The following KCNU1 variants were observed in gnomAD, a reference collection of about 807,000 sequenced individuals.
KCNU1 encodes potassium calcium-activated channel subfamily U member 1.
KCNU1 carries 93 observed loss-of-function variants against 126.8 expected under a neutral mutation model. The ratio of observed to expected loss-of-function variants is 0.73; its 90% CI spans 0.62 to 0.87. The LOEUF is 0.87. Among genes scored for constraint, KCNU1 ranks in the 40% least tolerant of loss-of-function variants. The pLI is 0.00. For missense variants in KCNU1, 1,330 were observed against 1,367.1 expected, an observed-to-expected ratio of 0.97 and a Z score of 0.43; for synonymous variants, 523 against 494.2, an observed-to-expected ratio of 1.06 and a Z score of -0.77.
chr8:36,925,534 G>A (rs1808504333), intron 24 of KCNU1, among the ~76,000 whole-genome samples: 1 of 152,124 alleles, frequency 6.6e-6, no homozygotes, highest in South Asian at 2.1e-4. Flanking sequence ...GATAATTTTT[G>A]TTTTCCTTCT....
At chr8:36,784,655 G>A in intron 1 of KCNU1, 50 bp downstream of exon 1, 2 of 1,412,490 alleles carry the variant, frequency 1.4e-6, no homozygotes, top group Non-Finnish European at 1.9e-6. Context: ...AGATGAGTTT[G>A]GGGTAGTTTT....
At chr8:36,917,889 C>A (rs760058010) in intron 22 of KCNU1, among the ~76,000 whole-genome samples, 12 of 152,124 alleles carry the variant, frequency 7.9e-5, no homozygotes, top group Non-Finnish European at 1.6e-4. Context: ...TGAGTGACAT[C>A]CCAGCTCAGG....
At position 36,787,724 on chromosome 8, in the gene KCNU1, T is replaced by C. The variant is rs1276287362; in HGVS notation, c.315+299T>C. ...GTTAATAATGTTATATTATTAATAA[T>C]GTATAATACATTATCCGTAATAATA... On this transcript the variant is annotated intron_variant, in intron 2 of 26. Coordinates refer to ENST00000399881, the MANE Select transcript of KCNU1 (RefSeq NM_001031836.3). 3.4e-5 allele frequency among the ~76,000 whole-genome samples: 5 copies of C among 148,006 alleles called. No individual in the cohort carries two copies. In the East Asian group the frequency reaches 7.8e-4, roughly 23 times the overall value.
intron 24 of KCNU1, among the ~76,000 whole-genome samples, chr8:36,925,769 TAAC>T (rs1276257133): frequency 6.6e-6 from 1 of 152,156 alleles, no homozygotes; most frequent in African/African-American, 2.4e-5. Context: ...CACCTTCCAA[TAAC>T]AACATCTAGA....
At chr8:36,818,706 T>C (rs1804012481) in intron 10 of KCNU1, among the ~76,000 whole-genome samples, 1 of 152,200 alleles carries the variant, frequency 6.6e-6, no homozygotes, top group Admixed American at 6.5e-5. Flanking sequence ...TTACGTAGGA[T>C]TGTATGTAGC....
chr8:36,798,803 T>C (rs551093823), intron 2 of KCNU1, among the ~76,000 whole-genome samples: 1 of 152,298 alleles, frequency 6.6e-6, no homozygotes, highest in East Asian at 1.9e-4. Flanking sequence ...TTGATTGCTG[T>C]CTCATGCCTC....
chr8:36,843,688 T>C (rs915208570), intron 16 of KCNU1, among the ~76,000 whole-genome samples: 1 of 152,250 alleles, frequency 6.6e-6, no homozygotes, highest in Non-Finnish European at 1.5e-5. Flanking sequence ...AGTTGGACTT[T>C]AAGCAAATAT....
chr8:36,805,937 A>G (rs1329769946), intron 4 of KCNU1, among the ~76,000 whole-genome samples: 1 of 152,082 alleles, frequency 6.6e-6, no homozygotes, highest in East Asian at 1.9e-4. Flanking sequence ...TCTACCTCCC[A>G]GGTTCCAGTG....
intron 19 of KCNU1, among the ~76,000 whole-genome samples, chr8:36,892,586 G>T (rs1807010697): frequency 6.8e-6 from 1 of 147,650 alleles, no homozygotes; most frequent in Admixed American, 7.0e-5. Flanking sequence ...AATATTATAT[G>T]ACAACTCTAC....
At chr8:36,796,148 T>C (rs1252871089) in intron 2 of KCNU1, among the ~76,000 whole-genome samples, 3 of 152,256 alleles carry the variant, frequency 2.0e-5, no homozygotes, top group Admixed American at 2.0e-4. Flanking sequence ...TGATACATTA[T>C]CTATTTAGAG....
intron 1 of KCNU1, 146 bp from the exon 2 acceptor site, chr8:36,787,160 A>G (rs554725738): frequency 8.3e-6 from 5 of 602,058 alleles, no homozygotes; most frequent in South Asian, 3.1e-5. Context: ...GAAATATTGA[A>G]TAAGCAACTT....
chr8:36,874,893 C>T (rs942013119), intron 19 of KCNU1, among the ~76,000 whole-genome samples: 4 of 151,978 alleles, frequency 2.6e-5, no homozygotes, highest in African/African-American at 7.3e-5. Flanking sequence ...CCTCCCTGCT[C>T]TCTGTTCCAC....
intron 2 of KCNU1, among the ~76,000 whole-genome samples, chr8:36,789,110 C>T (rs1335924620): frequency 6.6e-6 from 1 of 152,108 alleles, no homozygotes; most frequent in Non-Finnish European, 1.5e-5. Context: ...TAATCTAGCA[C>T]TTTGAGAGGC....
intron 11 of KCNU1, among the ~76,000 whole-genome samples, chr8:36,833,876 C>G (rs566404364): frequency 6.6e-6 from 1 of 152,158 alleles, no homozygotes; most frequent in Non-Finnish European, 1.5e-5. Context: ...TTTGCCAACA[C>G]TTATATTTAA....
chr8:36,808,296 T>A (rs1445874342), intron 6 of KCNU1, among the ~76,000 whole-genome samples: 1 of 152,168 alleles, frequency 6.6e-6, no homozygotes, highest in Non-Finnish European at 1.5e-5. Flanking sequence ...AATTTTATTT[T>A]GCAAATCTGC....
chr8:36,879,679 T>C (rs1166092253), intron 19 of KCNU1, among the ~76,000 whole-genome samples: 1 of 152,124 alleles, frequency 6.6e-6, no homozygotes, highest in Admixed American at 6.6e-5. Flanking sequence ...CATTCTGTGA[T>C]CTGTAGGAAT....
intron 2 of KCNU1, among the ~76,000 whole-genome samples, chr8:36,799,590 A>G (rs1585386535): frequency 6.6e-6 from 1 of 151,242 alleles, no homozygotes; most frequent in African/African-American, 2.4e-5. Flanking sequence ...GCTGGAGTGC[A>G]GTGGTGCAAT....
chr8:36,915,734 G>A (rs890395087), intron 22 of KCNU1, among the ~76,000 whole-genome samples: 2 of 152,124 alleles, frequency 1.3e-5, no homozygotes, highest in African/African-American at 4.8e-5. Flanking sequence ...CTGTCTCAAT[G>A]TCAGAGAAGC....
At chr8:36,932,479 T>C (rs1417162799) in intron 25 of KCNU1, among the ~76,000 whole-genome samples, 1 of 152,128 alleles carries the variant, frequency 6.6e-6, no homozygotes, top group African/African-American at 2.4e-5. Context: ...TTGTTGGCTA[T>C]AGCCCGAGAA....
Sources: allele counts gnomAD v4.1 joint callset (sites outside exome capture counted in the v4.1 genomes callset), GRCh38; gene constraint gnomAD v4.1.1; transcripts MANE v1.5; gene names NCBI Gene and HGNC (gene_info 2026-07-23, HGNC 2026-07-21).